Variants in SPATA20 observed in about 807,000 individuals in gnomAD.
SPATA20 encodes the protein spermatogenesis-associated protein 20.
Under a neutral mutation model 98.9 loss-of-function variants are expected in SPATA20, and 74 were observed. The ratio of observed to expected loss-of-function variants is 0.75; its 90% CI spans 0.62 to 0.91. The LOEUF (loss-of-function observed/expected upper bound fraction) is 0.91. Ranked by LOEUF, SPATA20 falls within the 40% of genes least tolerant of loss-of-function variation. SPATA20 has a pLI of 0.00. For missense variants in SPATA20, 1,016 were observed against 1,069.8 expected (o/e 0.95, Z 0.70); for synonymous variants, 430 against 440.5 (o/e 0.98, Z 0.30).
Position 50,551,967 on chromosome 17 carries a change from A to T in SPATA20, c.1746-2A>T. On this transcript the variant is annotated splice_acceptor_variant, in intron 13 of 16. Coordinates refer to ENST00000006658, the MANE Select transcript of SPATA20 (RefSeq NM_022827.4). LOFTEE classifies it high-confidence loss of function. ...GCCCCTCCCGTAATGCCTGTCCCCC[A>T]GCAACCCACCCTGCTGGGGCTTCCT... is the stretch of plus-strand genomic sequence containing the variant. 1 of 1,584,744 alleles carries T rather than the reference A, an allele frequency of 6.3e-7. No homozygotes were observed. Among genetic ancestry groups the T allele is most frequent in the Non-Finnish European group, 8.6e-7 (1 of 1,164,784 alleles).
rs1249916015 is a variant in SPATA20, at chr17:50,548,303, A to G, written c.146A>G (p.Lys49Arg). The change falls in exon 3 of 17, where the codon AAG becomes AGG. Residue 49 changes from lysine to arginine, a missense_variant. Transcript: ENST00000006658. ...GCCAGGGGTAGCTCCTCCCGGGACAAGGACCGAAGTGCGACGGTCAGTAGT... is the reference window on the plus strand; with the variant it reads ...GCCAGGGGTAGCTCCTCCCGGGACAGGGACCGAAGTGCGACGGTCAGTAGT... ...SPSRGSSSRDKDRSATVSSSV... is the reference protein window; with the variant it reads ...SPSRGSSSRDRDRSATVSSSV... 6.2e-7 allele frequency: 1 copy of G among 1,613,590 alleles called. No individual in the cohort carries two copies. The highest frequency in any genetic ancestry group is 1.7e-5 in the Admixed American group (1 of 59,982).
intron 14 of SPATA20, among the ~76,000 whole-genome samples, chr17:50,553,997 A>C (rs1407919904): frequency 6.6e-6 from 1 of 152,340 alleles, no homozygotes; most frequent in Non-Finnish European, 1.5e-5. Flanking sequence ...GGACAGAGGC[A>C]TCAGCAGCGA....
Position 50,547,940 on chromosome 17 carries a change from AGGGCCGGGGGAG to A in SPATA20, c.125+179_125+190del, listed in dbSNP as rs2034940612. The A allele has an allele frequency of 4.0e-6, 6 of 1,508,700 alleles. No homozygotes were observed. The East Asian group carries it at 1.5e-4, about 37-fold the overall frequency. 93.5% of individuals were successfully genotyped at this position (1,508,700 alleles called of 1,614,324 possible). A position where few individuals can be genotyped will look rare whatever the true frequency, so the allele number is the denominator to read the frequency against. ...ATGCCTCCAAGCAGCTGCTCCAGGA[AGGGCCGGGGGAG>A]GGGCCTGGGGAGGGGTAAGAATGGA... On this transcript the variant is annotated intron_variant, in intron 2 of 16. Coordinates refer to ENST00000006658, the MANE Select transcript of SPATA20 (RefSeq NM_022827.4).
chr17:50,552,071 T>A lies in SPATA20; in HGVS notation c.1848T>A (p.Ala616=), dbSNP rs1382948063. 6.2e-7 allele frequency: 1 copy of A among 1,613,864 alleles called. No homozygotes were observed. The highest frequency in any genetic ancestry group is 8.5e-7 in the Non-Finnish European group (1 of 1,179,994). The part of the protein sequence containing the change: ...ASQESAWLEW[A]LRLQDTQDKL... ...AGGAGAGTGCGTGGCTCGAGTGGGC[T>A]CTGCGGCTGCAGGACACACAGGACA... The change falls in exon 14 of 17, where the codon GCT becomes GCA. Residue 616 remains alanine (A), a synonymous_variant. Coordinates refer to ENST00000006658, the MANE Select transcript of SPATA20 (RefSeq NM_022827.4).
chr17:50,555,244 G>T lies in SPATA20; in HGVS notation c.2170G>T (p.Gly724Ter), dbSNP rs1457951788. The T allele has an allele frequency of 6.2e-7, 1 of 1,613,802 alleles. No individual in the cohort carries two copies. The highest frequency in any genetic ancestry group is 1.3e-5 in the African/African-American group (1 of 74,852). Residue 724 changes from glycine (G) to a stop codon, truncating the protein, a stop_gained, in exon 16 of 17, where the codon GGA (glycine) becomes TGA (stop). Transcript: ENST00000006658. LOFTEE classifies it high-confidence loss of function. ...QQTLKQIVIC[G>*]DRQAKDTKAL... ...CTATTCCGGTCAGATCGTGATCTGT[G>T]GAGACCGTCAGGCCAAGGACACCAA...
rs145832246 is a variant in SPATA20, at chr17:50,548,319, G to C, written c.162G>C (p.Thr54=). The change falls in exon 3 of 17, where the codon ACG becomes ACC. Residue 54 remains threonine, a synonymous_variant. Transcript: ENST00000006658. ...SSSRDKDRSA[T]VSSSVPMPAG... ...CCCGGGACAAGGACCGAAGTGCGAC[G>C]GTCAGTAGTTCAGTGCCCATGCCTG... 2 of 1,613,768 alleles carry C rather than the reference G, an allele frequency of 1.2e-6. No individual in the cohort carries two copies. Among genetic ancestry groups the C allele is most frequent in the South Asian group, 1.1e-5 (1 of 91,072 alleles).
chr17:50,549,581 C>A (rs2034977157), intron 7 of SPATA20, 94 bp downstream of exon 7: 19 of 1,295,836 alleles, frequency 1.5e-5, no homozygotes, highest in Non-Finnish European at 1.9e-5. Context: ...CCCATAGCTT[C>A]CTGTCCTCCT....
In SPATA20 at chr17:50,554,393, G is replaced by A. The variant is rs916487486; in HGVS notation, c.2100G>A (p.Pro700=). The change falls in exon 15 of 17, where the codon CCG becomes CCA. Residue 700 remains proline (P), a synonymous_variant. Transcript: ENST00000006658. ...TAFSERMRRV[P]VALPEMVRAL... is the part of the protein sequence containing the mutation. Reference sequence around the variant, plus strand: ...TTTCCGAGCGCATGCGTCGTGTCCCGGTGGCGTTGCCCGAGATGGTCCGCG... The same window carrying A: ...TTTCCGAGCGCATGCGTCGTGTCCCAGTGGCGTTGCCCGAGATGGTCCGCG... 3.7e-6 allele frequency: 6 copies of A among 1,613,926 alleles called. No individual in the cohort carries two copies. Among genetic ancestry groups the A allele is most frequent in the Admixed American group, 3.3e-5 (2 of 60,034 alleles).
rs1317843748 is a variant in SPATA20, at chr17:50,554,294, C to T, written c.2001C>T (p.His667=). The T allele has an allele frequency of 6.2e-7, 1 of 1,614,110 alleles. No individual in the cohort carries two copies. The highest frequency in any genetic ancestry group is 8.5e-7 in the Non-Finnish European group (1 of 1,180,052). ...AEPSANSVSA[H]NLLRLHGFTG... ...CCAGCGCCAATTCCGTGTCAGCCCA[C>T]AACCTGCTCCGGCTGCATGGCTTCA... Residue 667 remains histidine (H), a synonymous_variant, in exon 15 of 17, where the codon CAC becomes CAT. Coordinates refer to ENST00000006658, the MANE Select transcript of SPATA20 (RefSeq NM_022827.4).
chr17:50,551,892 C>T (rs766072090), intron 13 of SPATA20, 77 bp from the exon 14 acceptor site: 88 of 1,365,780 alleles, frequency 6.4e-5, no homozygotes, highest in Non-Finnish European at 7.9e-5. Flanking sequence ...TGAACAAATG[C>T]GTGAAAGGGC....
chr17:50,550,650 G>T (rs751800559), intron 10 of SPATA20, 40 bp downstream of exon 10: 1 of 1,613,046 alleles, frequency 6.2e-7, no homozygotes, highest in Non-Finnish European at 8.5e-7. Flanking sequence ...GCTGTGGGAG[G>T]GGTTGGGGCC....
Position 50,555,260 on chromosome 17 carries a change from A to G in SPATA20, c.2186A>G (p.Lys729Arg). The G allele has an allele frequency of 6.2e-7, 1 of 1,613,960 alleles. No homozygotes were observed. The highest frequency in any genetic ancestry group is 8.5e-7 in the Non-Finnish European group (1 of 1,179,952). ...GTGATCTGTGGAGACCGTCAGGCCA[A>G]GGACACCAAGGCCCTGGTGCAGTGC... ...QIVICGDRQAKDTKALVQCVH... is the reference protein window; with the variant it reads ...QIVICGDRQARDTKALVQCVH... Residue 729 changes from lysine (K) to arginine (R), a missense_variant, in exon 16 of 17, where the codon AAG becomes AGG. Lys to Arg is a conservative substitution (Grantham distance 26, BLOSUM62 2). Transcript: ENST00000006658.
intron 10 of SPATA20, 45 bp downstream of exon 10, chr17:50,550,655 G>A: frequency 6.2e-7 from 1 of 1,612,070 alleles, no homozygotes; most frequent in Non-Finnish European, 8.5e-7. Context: ...GGGAGGGGTT[G>A]GGGCCTCCAC....
At chr17:50,551,927 C>T (rs761779281) in intron 13 of SPATA20, 42 bp from the exon 14 acceptor site, 7 of 1,512,716 alleles carry the variant, frequency 4.6e-6, no homozygotes, top group Admixed American at 4.0e-5. Context: ...GCCCTCTCTC[C>T]TGGGGCTCTC....
rs375928064 is a variant in SPATA20, at chr17:50,551,606, C to T, written c.1672C>T (p.His558Tyr). 6.2e-7 allele frequency: 1 copy of T among 1,608,164 alleles called. No individual in the cohort carries two copies. The highest frequency in any genetic ancestry group is 1.7e-5 in the Admixed American group (1 of 59,918). Residue 558 changes from histidine to tyrosine, a missense_variant, in exon 13 of 17, where the codon CAC becomes TAC. His to Tyr is a moderately conservative substitution (Grantham distance 83, BLOSUM62 2). Transcript: ENST00000006658. ...CAATGGTGCCAAGTTCCTGAAGCGGCACATGTTTGATGTGGCCAGTGGCCG... is the reference window on the plus strand; with the variant it reads ...CAATGGTGCCAAGTTCCTGAAGCGGTACATGTTTGATGTGGCCAGTGGCCG... ...ATNGAKFLKR[H>Y]MFDVASGRLM...
At chr17:50,547,353 C>T (rs575088293) in intron 1 of SPATA20, 68 bp downstream of exon 1, 8 of 1,303,722 alleles carry the variant, frequency 6.1e-6, no homozygotes, top group Middle Eastern at 2.7e-4. Context: ...GGAGGGTCTT[C>T]CGGACACCGG....
chr17:50,551,898 A>G, intron 13 of SPATA20, 71 bp from the exon 14 acceptor site: 1 of 1,405,724 alleles, frequency 7.1e-7, no homozygotes. Context: ...AATGCGTGAA[A>G]GGGCCTCCTC....
In SPATA20 at chr17:50,551,956, G is replaced by C; in HGVS notation, c.1746-13G>C. ...GGCTCTCCCCAGCCCCTCCCGTAAT[G>C]CCTGTCCCCCAGCAACCCACCCTGC... On this transcript the variant is annotated splice_polypyrimidine_tract_variant and intron_variant, in intron 13 of 16. Transcript: ENST00000006658. The C allele has an allele frequency of 6.4e-7, 1 of 1,568,900 alleles. No individual in the cohort carries two copies. Among genetic ancestry groups the C allele is most frequent in the Non-Finnish European group, 8.6e-7 (1 of 1,156,128 alleles).
At chr17:50,548,744 G>A (rs961597605) in intron 4 of SPATA20, 66 bp from the exon 5 acceptor site, 1 of 1,593,674 alleles carries the variant, frequency 6.3e-7, no homozygotes, top group Non-Finnish European at 8.5e-7. Flanking sequence ...TGTAGCCAGG[G>A]CCACTTGGCC....
Sources: gnomAD v4.1 joint callset for allele counts (sites outside exome capture counted in the v4.1 genomes callset) on GRCh38, gnomAD v4.1.1 for gene constraint, MANE v1.5 for transcripts, NCBI Gene and HGNC (gene_info 2026-07-23, HGNC 2026-07-21) for gene names.